The following FNBP1 variants were observed in gnomAD, a reference collection of about 807,000 sequenced individuals.
FNBP1 encodes formin-binding protein 1.
FNBP1 carries 26 observed loss-of-function variants against 90.6 expected under a neutral mutation model. The observed-to-expected ratio is 0.29, with a 90% CI of 0.21 to 0.40. FNBP1 has a LOEUF of 0.40. FNBP1 is among the 10% of genes least tolerant of loss of function. The pLI is 1.00. For missense variants in FNBP1, 635 were observed against 768.0 expected, an observed-to-expected ratio of 0.83 and a Z score of 2.05; for synonymous variants, 260 against 265.2, an observed-to-expected ratio of 0.98 and a Z score of 0.19.
chr9:129,900,480 A>G lies in FNBP1; in HGVS notation c.1496T>C (p.Leu499Pro). 1 of 1,604,624 alleles carries G rather than the reference A, an allele frequency of 6.2e-7. No individual in the cohort carries two copies. Among genetic ancestry groups the G allele is most frequent in the Non-Finnish European group, 8.5e-7 (1 of 1,176,124 alleles). ...TGTGGGTGGGTTCTGGCTGTCGTAC[A>G]GTCCGCTCTGCCGGCGCGCCTGCTC... ...RSEQARRQSG[L>P]YDSQNPPTVN... Residue 499 changes from leucine to proline, a missense_variant, in exon 14 of 17, where the codon CTG (leucine) becomes CCG (proline). By Grantham distance (98) the Leu-to-Pro change is moderately conservative. Coordinates refer to ENST00000446176, the MANE Select transcript of FNBP1 (RefSeq NM_015033.3). The surrounding 1 kb of genome is among the most constrained non-coding windows in gnomAD (Gnocchi z 4.1).
At chr9:130,026,979 A>T (rs959072710) in intron 1 of FNBP1, among the ~76,000 whole-genome samples, 1 of 151,992 alleles carries the variant, frequency 6.6e-6, no homozygotes, top group African/African-American at 2.4e-5. Context: ...AAAAAAAAAA[A>T]AAAAGTTTTG....
intron 12 of FNBP1, 118 bp from the exon 13 acceptor site, chr9:129,903,119 T>C (rs2037280306): frequency 2.1e-6 from 2 of 952,688 alleles, no homozygotes; most frequent in Non-Finnish European, 3.1e-6. Flanking sequence ...TGCAACGATC[T>C]TGGCTCACTG....
chr9:129,979,738 C>A (rs2050896383), intron 2 of FNBP1, among the ~76,000 whole-genome samples: 1 of 152,070 alleles, frequency 6.6e-6, no homozygotes, highest in African/African-American at 2.4e-5. Flanking sequence ...CTCCCGGGTT[C>A]AAGCGATTCT....
chr9:129,937,820 A>G (rs2043709573), intron 6 of FNBP1, among the ~76,000 whole-genome samples: 1 of 152,196 alleles, frequency 6.6e-6, no homozygotes, highest in Non-Finnish European at 1.5e-5. Context: ...AAAAACTTCA[A>G]AATAAGTTAA....
intron 1 of FNBP1, among the ~76,000 whole-genome samples, chr9:130,011,252 A>ATG: frequency 1.5e-5 from 1 of 65,708 alleles, no homozygotes; most frequent in Admixed American, 1.8e-4. Context: ...AAATATATAT[A>ATG]TATATATATA....
chr9:129,928,673 G>A (rs547721473), intron 7 of FNBP1, among the ~76,000 whole-genome samples: 1,840 of 148,914 alleles, frequency 0.012, 17 homozygotes, highest in Middle Eastern at 0.024. Flanking sequence ...AAAAAAAAAA[G>A]AAAAAAAGAA....
chr9:130,042,989 C>T lies in FNBP1; in HGVS notation c.-14G>A. 1.6e-6 allele frequency: 2 copies of T among 1,225,454 alleles called. No individual in the cohort carries two copies. 75.9% of individuals were successfully genotyped at this position (1,225,454 alleles called of 1,614,324 possible). A position where few individuals can be genotyped will look rare whatever the true frequency, so the allele number is the denominator to read the frequency against. On this transcript the variant is annotated 5_prime_UTR_variant, in exon 1 of 17. Coordinates refer to ENST00000446176, the MANE Select transcript of FNBP1 (RefSeq NM_015033.3). This position sits in a 1 kb window ranked among gnomAD's most constrained non-coding sequence, Gnocchi z 5.5. ...GCCCCAGCTCATGGTGCAGGGGACGCGAAGGGGCGCTCCGCGCGGCGGGCG... is the reference window on the plus strand; with the variant it reads ...GCCCCAGCTCATGGTGCAGGGGACGTGAAGGGGCGCTCCGCGCGGCGGGCG...
intron 2 of FNBP1, among the ~76,000 whole-genome samples, chr9:129,994,187 G>A (rs1286337632): frequency 6.6e-6 from 1 of 152,148 alleles, no homozygotes; most frequent in Non-Finnish European, 1.5e-5. Context: ...TAGTCAGAAC[G>A]GATGAGTTCT....
Position 130,021,812 on chromosome 9 carries a change from T to C in FNBP1, c.24+21140A>G, listed in dbSNP as rs1164746085. 2.6e-5 allele frequency among the ~76,000 whole-genome samples: 4 copies of C among 152,330 alleles called. No individual in the cohort carries two copies. The Middle Eastern group carries it at 0.01, about 389-fold the overall frequency. ...ATTTCCAAACACCAAGGAGTGTCCA[T>C]CCCAAATTAGCCCTTTGTCGTCTAA... On this transcript the variant is annotated intron_variant, in intron 1 of 16. Transcript: ENST00000446176.
intron 8 of FNBP1, among the ~76,000 whole-genome samples, chr9:129,925,923 A>G (rs1035624096): frequency 3.3e-5 from 5 of 151,586 alleles, no homozygotes; most frequent in Non-Finnish European, 5.9e-5. Flanking sequence ...AAAAGCCATC[A>G]TTTGAGCTTT....
intron 11 of FNBP1, chr9:129,910,133 T>C: frequency 2.2e-6 from 1 of 456,268 alleles, no homozygotes; most frequent in Non-Finnish European, 4.4e-6. Context: ...TAGAAAGCTC[T>C]GGCTAAATTG....
intron 7 of FNBP1, 35 bp downstream of exon 7, chr9:129,929,532 T>G: frequency 6.3e-7 from 1 of 1,598,044 alleles, no homozygotes; most frequent in Admixed American, 1.7e-5. Context: ...AAGCAAAGCA[T>G]AAAACATGAA....
chr9:129,909,080 T>TGG lies in FNBP1; in HGVS notation c.1186-83_1186-82dup, dbSNP rs3215850. On this transcript the variant is annotated intron_variant, in intron 11 of 16. Transcript: ENST00000446176. ...AGGCTGAAAGCAAAGCCTGCAGCCA[T>TGG]GGGGGGTGCAGACATCTGCATGTGG... The TGG allele has an allele frequency of 5.7e-5, 48 of 839,336 alleles. 1 individual carries two copies. The highest frequency in any genetic ancestry group is 5.2e-4 in the Middle Eastern group (2 of 3,844). 52.0% of individuals were successfully genotyped at this position (839,336 alleles called of 1,614,324 possible). A position where few individuals can be genotyped will look rare whatever the true frequency, so the allele number is the denominator to read the frequency against.
chr9:129,911,371 A>G (rs1308881870), intron 11 of FNBP1, among the ~76,000 whole-genome samples: 1 of 152,190 alleles, frequency 6.6e-6, no homozygotes, highest in Non-Finnish European at 1.5e-5. Context: ...AAGAATCTGC[A>G]CAGACAGGCC....
In FNBP1 at chr9:129,957,473, A is replaced by C; in HGVS notation, c.409-9T>G. On this transcript the variant is annotated splice_polypyrimidine_tract_variant and intron_variant, in intron 5 of 16. Coordinates refer to ENST00000446176, the MANE Select transcript of FNBP1 (RefSeq NM_015033.3). This position sits in a 1 kb window ranked among gnomAD's most constrained non-coding sequence, Gnocchi z 4.3. ...TCAAATCGCCTTTTACTCTAAAATC[A>C]GAGGAAAATAATTATGAAACCATAA... The C allele has an allele frequency of 1.9e-6, 3 of 1,593,456 alleles. No homozygotes were observed. The highest frequency in any genetic ancestry group is 2.2e-5 in the South Asian group (2 of 90,480).
At chr9:130,029,534 C>T (rs1232477930) in intron 1 of FNBP1, among the ~76,000 whole-genome samples, 1 of 152,060 alleles carries the variant, frequency 6.6e-6, no homozygotes, top group Non-Finnish European at 1.5e-5. Flanking sequence ...TTGTCAGTAG[C>T]TGACTGGGTA....
At position 129,925,027 on chromosome 9, in the gene FNBP1, C is replaced by G. The variant is rs1454350135; in HGVS notation, c.920G>C (p.Gly307Ala). 1 of 1,613,858 alleles carries G rather than the reference C, an allele frequency of 6.2e-7. No homozygotes were observed. The highest frequency in any genetic ancestry group is 8.5e-7 in the Non-Finnish European group (1 of 1,179,860). The stretch of plus-strand genomic sequence containing the variant: ...GCCACCAAATTTGAGGTCTGGTTTG[C>G]CTTCTCCTCTGGAATTTGAAAGGCT... ...DNSLSNSRGE[G>A]KPDLKFGGKS... The change falls in exon 9 of 17, where the codon GGC becomes GCC. Residue 307 changes from glycine (G) to alanine (A), a missense_variant. By Grantham distance (60) the Gly-to-Ala change is moderately conservative. Transcript: ENST00000446176.
At chr9:129,927,912 C>T (rs930120950) in intron 7 of FNBP1, among the ~76,000 whole-genome samples, 1 of 152,054 alleles carries the variant, frequency 6.6e-6, no homozygotes, top group African/African-American at 2.4e-5. Context: ...CTTGAGCCAC[C>T]ACACCTGGCC....
chr9:129,947,747 C>T (rs559699101), intron 6 of FNBP1, among the ~76,000 whole-genome samples: 4 of 151,458 alleles, frequency 2.6e-5, no homozygotes, highest in South Asian at 2.1e-4. Flanking sequence ...CTCAGTCTCC[C>T]GAGTAGCTGA....
Sources: gnomAD v4.1 joint callset for allele counts (sites outside exome capture counted in the v4.1 genomes callset) on GRCh38, gnomAD v4.1.1 for gene constraint, Gnocchi (gnomAD v3.1) non-coding constraint, MANE v1.5 for transcripts, NCBI Gene and HGNC (gene_info 2026-07-23, HGNC 2026-07-21) for gene names.